EPHX2: variants seen among roughly 807,000 people sequenced by gnomAD.
EPHX2 encodes the protein bifunctional epoxide hydrolase 2.
A neutral mutation model predicts 78.7 loss-of-function variants in EPHX2; 74 were observed. The ratio of observed to expected loss-of-function variants is 0.94; its 90% CI spans 0.78 to 1.14. EPHX2 has a LOEUF of 1.14. EPHX2 is among the 50% of genes most tolerant of loss of function. EPHX2 has a pLI of 0.00. For missense variants in EPHX2, 715 were observed against 702.5 expected, an observed-to-expected ratio of 1.02 and a Z score of -0.20; for synonymous variants, 251 against 255.2, an observed-to-expected ratio of 0.98 and a Z score of 0.16.
In EPHX2 at chr8:27,544,947, G is replaced by A. The variant is rs886582718; in HGVS notation, c.*425G>A. 1.5e-5 allele frequency: 3 copies of A among 201,158 alleles called. No homozygotes were observed. Among genetic ancestry groups the A allele is most frequent in the Non-Finnish European group, 3.1e-5 (3 of 98,174 alleles). 12.5% of individuals were successfully genotyped at this position (201,158 alleles called of 1,614,324 possible). A position where few individuals can be genotyped will look rare whatever the true frequency, so the allele number is the denominator to read the frequency against. Reference sequence around the variant, plus strand: ...GCTGGCTGTCTTTGTTCTTGGAGAGGTGGAGTGACTGTTCACGGAGAATGC... The same window carrying A: ...GCTGGCTGTCTTTGTTCTTGGAGAGATGGAGTGACTGTTCACGGAGAATGC... On this transcript the variant is annotated 3_prime_UTR_variant, in exon 19 of 19. Transcript: ENST00000521400.
At chr8:27,522,119 T>C (rs1003993963) in intron 10 of EPHX2, among the ~76,000 whole-genome samples, 5 of 132,806 alleles carry the variant, frequency 3.8e-5, no homozygotes, top group Non-Finnish European at 6.3e-5. Context: ...TTTTACTTCT[T>C]TTAAGATAGA....
chr8:27,539,568 ACCGT>A (rs35467877), intron 14 of EPHX2, among the ~76,000 whole-genome samples: 3,320 of 151,978 alleles, frequency 0.022, 52 homozygotes, highest in Non-Finnish European at 0.033. Flanking sequence ...ATTCCTTCAC[ACCGT>A]CTGTCACTCA....
chr8:27,525,107 T>TGTGTGTGCGCGCGCGC (rs1491544464), intron 11 of EPHX2, among the ~76,000 whole-genome samples: 8 of 103,456 alleles, frequency 7.7e-5, no homozygotes, highest in African/African-American at 2.9e-4. Flanking sequence ...TGTGTGTGTG[T>TGTGTGTGCGCGCGCGC]GCGCGCGCGC....
chr8:27,538,442 C>T (rs922636365), intron 13 of EPHX2, among the ~76,000 whole-genome samples: 5 of 152,192 alleles, frequency 3.3e-5, no homozygotes, highest in African/African-American at 1.2e-4. Context: ...GTCGTGAGCC[C>T]GCTCTTTACT....
rs759999449 is a variant in EPHX2, at chr8:27,543,816, A to G, written c.1517A>G (p.His506Arg). The G allele has an allele frequency of 1.4e-5, 22 of 1,614,146 alleles. No homozygotes were observed. In the Middle Eastern group the frequency reaches 4.9e-4, roughly 36 times the overall value. ...GTGCTCGTTCCTCAGATGTCCCAGC[A>G]CATGGAGGACTGGGTGAGGGAATGG... ...DFVLVPQMSQ[H>R]MEDWIPHLKR... The change falls in exon 17 of 19, where the codon CAC (histidine) becomes CGC (arginine). Residue 506 changes from histidine (H) to arginine (R), a missense_variant. Coordinates refer to ENST00000521400, the MANE Select transcript of EPHX2 (RefSeq NM_001979.6).
intron 1 of EPHX2, among the ~76,000 whole-genome samples, chr8:27,499,263 G>A (rs1265341673): frequency 2.6e-5 from 4 of 152,150 alleles, no homozygotes; most frequent in Non-Finnish European, 5.9e-5. Context: ...CCACAATGGG[G>A]ATTAAATTTC....
In EPHX2 at chr8:27,544,185, G is replaced by T; in HGVS notation, c.1531-1G>T. ...CCTTTCTGCCTGGGGTTTCCTTTCA[G>T]ATTCCCCACCTGAAAAGGGGACACA... On this transcript the variant is annotated splice_acceptor_variant, in intron 17 of 18. Coordinates refer to ENST00000521400, the MANE Select transcript of EPHX2 (RefSeq NM_001979.6). LOFTEE classifies it high-confidence loss of function. 1 of 1,614,174 alleles carries T rather than the reference G, an allele frequency of 6.2e-7. No individual in the cohort carries two copies. The highest frequency in any genetic ancestry group is 2.2e-5 in the East Asian group (1 of 44,878).
At chr8:27,501,381 CTTCTTCTT>C (rs1813784572) in intron 2 of EPHX2, among the ~76,000 whole-genome samples, 1 of 113,200 alleles carries the variant, frequency 8.8e-6, no homozygotes, top group African/African-American at 3.8e-5. Context: ...TCTTCTTCTT[CTTCTTCTT>C]CTTCTTTCTT....
chr8:27,524,595 C>T (rs1027902439), intron 11 of EPHX2, among the ~76,000 whole-genome samples: 1 of 152,188 alleles, frequency 6.6e-6, no homozygotes, highest in Non-Finnish European at 1.5e-5. Flanking sequence ...ACTGTGTGCT[C>T]CATTGAATAC....
chr8:27,517,951 G>T, intron 8 of EPHX2, 87 bp from the exon 9 acceptor site: 1 of 1,024,782 alleles, frequency 9.8e-7, no homozygotes, highest in South Asian at 1.5e-5. Flanking sequence ...TTTGGTTTTT[G>T]GTTTTCTTTG....
intron 7 of EPHX2, among the ~76,000 whole-genome samples, chr8:27,516,101 A>T (rs1012930544): frequency 1.3e-5 from 2 of 152,198 alleles, no homozygotes; most frequent in African/African-American, 4.8e-5. Context: ...GCCAGGGAAG[A>T]TGCTGTCTTA....
rs762648179 is a variant in EPHX2, at chr8:27,543,811, C to T, written c.1512C>T (p.Ser504=). Reference sequence around the variant, plus strand: ...ACTTCGTGCTCGTTCCTCAGATGTCCCAGCACATGGAGGACTGGGTGAGGG... The same window carrying T: ...ACTTCGTGCTCGTTCCTCAGATGTCTCAGCACATGGAGGACTGGGTGAGGG... ...EKDFVLVPQM[S]QHMEDWIPHL... The change falls in exon 17 of 19, where the codon TCC becomes TCT. Residue 504 remains serine (S), a synonymous_variant. Transcript: ENST00000521400. The T allele has an allele frequency of 6.2e-7, 1 of 1,613,982 alleles. No individual in the cohort carries two copies. The highest frequency in any genetic ancestry group is 1.3e-5 in the African/African-American group (1 of 74,896).
At chr8:27,500,722 T>C (rs1813732072) in intron 1 of EPHX2, among the ~76,000 whole-genome samples, 1 of 152,222 alleles carries the variant, frequency 6.6e-6, no homozygotes, top group Non-Finnish European at 1.5e-5. Context: ...TGGAACATAC[T>C]GTGATTTACT....
intron 1 of EPHX2, among the ~76,000 whole-genome samples, chr8:27,492,665 G>C (rs1813423448): frequency 6.6e-6 from 1 of 152,190 alleles, no homozygotes; most frequent in Non-Finnish European, 1.5e-5. Context: ...GGGGTGGCCA[G>C]CTTTTATTCC....
chr8:27,512,101 A>G (rs1018322546), intron 6 of EPHX2, 191 bp downstream of exon 6: 2 of 155,834 alleles, frequency 1.3e-5, no homozygotes, highest in African/African-American at 3.1e-5. Context: ...CTGTCTCAAG[A>G]AAAAAAAAAA....
At chr8:27,530,807 A>C (rs1333708867) in intron 12 of EPHX2, among the ~76,000 whole-genome samples, 13 of 131,460 alleles carry the variant, frequency 9.9e-5, no homozygotes, top group African/African-American at 3.2e-4. Flanking sequence ...CTTGTTCCCC[A>C]GGCTGGAGTG....
intron 12 of EPHX2, among the ~76,000 whole-genome samples, chr8:27,532,392 A>G (rs752999085): frequency 3.9e-5 from 6 of 152,160 alleles, no homozygotes; most frequent in East Asian, 1.9e-4. Flanking sequence ...CTACAGACCA[A>G]TGACAAATTT....
chr8:27,501,682 G>A (rs1001891535), intron 2 of EPHX2, among the ~76,000 whole-genome samples: 11 of 152,056 alleles, frequency 7.2e-5, no homozygotes, highest in Admixed American at 5.2e-4. Flanking sequence ...CAAAGTGCTA[G>A]GATTACAGGT....
intron 5 of EPHX2, 104 bp downstream of exon 5, chr8:27,507,098 A>G (rs1486767597): frequency 7.0e-7 from 1 of 1,438,294 alleles, no homozygotes; most frequent in East Asian, 2.4e-5. Flanking sequence ...GAGTCCATGA[A>G]TGACTCCTGG....
Sources: allele counts gnomAD v4.1 joint callset (sites outside exome capture counted in the v4.1 genomes callset), GRCh38; gene constraint gnomAD v4.1.1; transcripts MANE v1.5; gene names NCBI Gene and HGNC (gene_info 2026-07-23, HGNC 2026-07-21).